Variants in KIAA0930 observed in about 807,000 individuals in gnomAD.
The protein encoded by KIAA0930 is uncharacterized protein KIAA0930.
A neutral mutation model predicts 43.9 loss-of-function variants in KIAA0930; 24 were observed. That is an observed-to-expected ratio of 0.55 (90% CI 0.40 to 0.77). The LOEUF (loss-of-function observed/expected upper bound fraction) is 0.77. Among genes scored for constraint, KIAA0930 ranks in the 30% least tolerant of loss-of-function variants. The pLI is 0.00. For synonymous variants in KIAA0930, 259 were observed against 216.4 expected, an observed-to-expected ratio of 1.20 and a Z score of -1.73; for missense variants, 461 against 574.2, an observed-to-expected ratio of 0.80 and a Z score of 2.02.
At chr22:45,206,818 C>A (rs2083642402) in intron 2 of KIAA0930, among the ~76,000 whole-genome samples, 1 of 152,020 alleles carries the variant, frequency 6.6e-6, no homozygotes, top group African/African-American at 2.4e-5. Flanking sequence ...CCTGCCTCAG[C>A]CTCCTGAGTA....
At chr22:45,203,721 G>C in intron 6 of KIAA0930, 124 bp downstream of exon 6, 1 of 1,078,780 alleles carries the variant, frequency 9.3e-7, no homozygotes, top group Admixed American at 2.5e-5. Context: ...GGGGCTGCAG[G>C]TACCCCTGGC....
chr22:45,203,006 G>T lies in KIAA0930; in HGVS notation c.836C>A (p.Ser279Ter). The change falls in exon 7 of 10, where the codon TCG becomes TAG. Residue 279 changes from serine to a stop codon, truncating the protein, a stop_gained. Transcript: ENST00000336156. LOFTEE classifies it high-confidence loss of function. ...AGCCCTTACCCGCTCGTGCATGGGC[G>T]AAGCTGGGCTGGAGTCCTCTTCAGT... ...CGTEEDSSPASPMHERVTSFS... is the reference protein window; with the variant it reads ...CGTEEDSSPA The T allele has an allele frequency of 6.2e-7, 1 of 1,609,716 alleles. No individual in the cohort carries two copies. Among genetic ancestry groups the T allele is most frequent in the Non-Finnish European group, 8.5e-7 (1 of 1,178,050 alleles).
rs191284632 is a variant in KIAA0930 at position 45,206,176 on chromosome 22, C to T, written c.217-264G>A. ...GACCACAGGCACGTGCTACCACACC[C>T]GGCTAATTTTTAAAACTTTTTGTAG... On this transcript the variant is annotated intron_variant, in intron 2 of 9. Transcript: ENST00000336156. 6.3e-3 allele frequency among the ~76,000 whole-genome samples: 965 copies of T among 152,192 alleles called. 16 individuals carry two copies. Among genetic ancestry groups the T allele is most frequent in the African/African-American group, 0.022 (912 of 41,514 alleles).
rs9626656 is a variant in KIAA0930 at position 45,216,815 on chromosome 22, C to T, written c.65-4708G>A. Reference sequence around the variant, plus strand: ...ACGGAAGCAGATGTGGCCCCGAAAGCTGAGCCAGGCTTACGGTGGTAGCAC... The same window carrying T: ...ACGGAAGCAGATGTGGCCCCGAAAGTTGAGCCAGGCTTACGGTGGTAGCAC... On this transcript the variant is annotated intron_variant, in intron 1 of 9. Coordinates refer to ENST00000336156, the MANE Select transcript of KIAA0930 (RefSeq NM_001009880.2). 1.0e-2 allele frequency among the ~76,000 whole-genome samples: 1,516 copies of T among 152,242 alleles called. 26 individuals carry two copies. Among genetic ancestry groups the T allele is most frequent in the African/African-American group, 0.034 (1,417 of 41,538 alleles).
chr22:45,216,460 C>T (rs1043578128), intron 1 of KIAA0930, among the ~76,000 whole-genome samples: 3 of 152,172 alleles, frequency 2.0e-5, no homozygotes, highest in African/African-American at 4.8e-5. Flanking sequence ...ACACCGAGCA[C>T]GGCAGTGTGG....
At chr22:45,223,293 C>G (rs1422614869) in intron 1 of KIAA0930, among the ~76,000 whole-genome samples, 1 of 152,198 alleles carries the variant, frequency 6.6e-6, no homozygotes, top group Non-Finnish European at 1.5e-5. Context: ...GGAGAGCAGA[C>G]CAATATTAGA....
At chr22:45,212,381 G>A (rs765658141) in intron 1 of KIAA0930, 1 of 1,587,256 alleles carries the variant, frequency 6.3e-7, no homozygotes, top group Non-Finnish European at 8.6e-7. Flanking sequence ...TCCAGCCTGG[G>A]GATGAATCAG....
chr22:45,211,590 A>G (rs1030986819), intron 2 of KIAA0930, among the ~76,000 whole-genome samples: 4 of 152,208 alleles, frequency 2.6e-5, no homozygotes, highest in Admixed American at 2.6e-4. Context: ...TCACCCTGCC[A>G]TGGCCAAGGG....
chr22:45,228,782 A>AC (rs2083822613), intron 1 of KIAA0930, among the ~76,000 whole-genome samples: 1 of 19,374 alleles, frequency 5.2e-5, no homozygotes, highest in Non-Finnish European at 8.5e-5. Context: ...CATCCCCCCC[A>AC]ACCACCAAAC....
intron 2 of KIAA0930, among the ~76,000 whole-genome samples, chr22:45,207,023 T>C (rs534702609): frequency 2.0e-5 from 3 of 151,908 alleles, no homozygotes; most frequent in Admixed American, 1.3e-4. Flanking sequence ...ATTTATTGTT[T>C]TGAGACGGAG....
chr22:45,197,229 G>T lies in KIAA0930; in HGVS notation c.1175-13C>A. ...ACTTCCAGGATGTCTAGGGCCGGCA[G>T]GAGGGAAGCAGGTGAAACAGTAACC... On this transcript the variant is annotated splice_polypyrimidine_tract_variant and intron_variant, in intron 9 of 9. Coordinates refer to ENST00000336156, the MANE Select transcript of KIAA0930 (RefSeq NM_001009880.2). The T allele has an allele frequency of 6.5e-7, 1 of 1,549,896 alleles. No individual in the cohort carries two copies. Among genetic ancestry groups the T allele is most frequent in the Admixed American group, 2.0e-5 (1 of 50,758 alleles).
intron 2 of KIAA0930, among the ~76,000 whole-genome samples, chr22:45,209,077 G>GAT (rs1569076001): frequency 6.6e-6 from 1 of 152,348 alleles, no homozygotes; most frequent in East Asian, 1.9e-4. Context: ...CTGGACTGGG[G>GAT]ATGTCCCTTG....
At chr22:45,226,045 G>T (rs1021735014) in intron 1 of KIAA0930, 4 of 321,376 alleles carry the variant, frequency 1.2e-5, no homozygotes, top group Non-Finnish European at 2.5e-5. Flanking sequence ...GGGGCCCAGC[G>T]CAGGGCAGTA....
At chr22:45,223,556 C>G (rs776940183) in intron 1 of KIAA0930, among the ~76,000 whole-genome samples, 37 of 151,932 alleles carry the variant, frequency 2.4e-4, no homozygotes, top group Non-Finnish European at 4.7e-4. Context: ...GTGCTGGCAC[C>G]GAGCCAGCAC....
rs890210775 is a variant in KIAA0930, at chr22:45,196,816, C to T, written c.*360G>A. 1.6e-5 allele frequency: 4 copies of T among 252,782 alleles called. No homozygotes were observed. Among genetic ancestry groups the T allele is most frequent in the East Asian group, 8.4e-5 (1 of 11,956 alleles). 15.7% of individuals were successfully genotyped at this position (252,782 alleles called of 1,614,324 possible). A position where few individuals can be genotyped will look rare whatever the true frequency, so the allele number is the denominator to read the frequency against. ...GTGGTTCCGCCTGCTGCTGGGGGGA[C>T]GTGAACATAGACCCGCCGCTCTGGC... On this transcript the variant is annotated 3_prime_UTR_variant, in exon 10 of 10. Coordinates refer to ENST00000336156, the MANE Select transcript of KIAA0930 (RefSeq NM_001009880.2). The surrounding 1 kb of genome is among the most constrained non-coding windows in gnomAD (Gnocchi z 4.1).
intron 1 of KIAA0930, among the ~76,000 whole-genome samples, chr22:45,231,065 A>G (rs1226552124): frequency 6.6e-6 from 1 of 151,388 alleles, no homozygotes; most frequent in African/African-American, 2.4e-5. Flanking sequence ...CCTGACCAAC[A>G]TGGTGAAACC....
intron 1 of KIAA0930, among the ~76,000 whole-genome samples, chr22:45,238,361 C>G (rs1421282516): frequency 6.6e-6 from 1 of 152,226 alleles, no homozygotes; most frequent in Non-Finnish European, 1.5e-5. Context: ...GTGCCCCATG[C>G]TGGGCACCAA....
intron 1 of KIAA0930, among the ~76,000 whole-genome samples, chr22:45,234,756 A>G (rs1176136339): frequency 6.6e-6 from 1 of 152,254 alleles, no homozygotes; most frequent in African/African-American, 2.4e-5. Context: ...AAATCACGGC[A>G]TTGCCCACCC....
rs1427175630 is a variant in KIAA0930 at position 45,197,911 on chromosome 22, G to C, written c.1053C>G (p.Ser351=). ...LHNATNLRSR[S]LSGTGRSLVG... ...CCAGGGACCGTCCTGTGCCCGACAGGGACCGAGACCGCAGGTTGGTTGCAT... is the reference window on the plus strand; with the variant it reads ...CCAGGGACCGTCCTGTGCCCGACAGCGACCGAGACCGCAGGTTGGTTGCAT... The change falls in exon 9 of 10, where the codon TCC becomes TCG. Residue 351 remains serine (S), a synonymous_variant. Transcript: ENST00000336156. The C allele has an allele frequency of 1.2e-6, 2 of 1,614,082 alleles. No individual in the cohort carries two copies. The highest frequency in any genetic ancestry group is 2.7e-5 in the African/African-American group (2 of 74,946).
Sources: allele counts gnomAD v4.1 joint callset (sites outside exome capture counted in the v4.1 genomes callset), GRCh38; gene constraint gnomAD v4.1.1; non-coding constraint Gnocchi (gnomAD v3.1); transcripts MANE v1.5; gene names NCBI Gene and HGNC (gene_info 2026-07-23, HGNC 2026-07-21).